Variants in CASK observed in about 807,000 individuals in gnomAD.
CASK encodes the protein peripheral plasma membrane protein CASK.
Under a neutral mutation model 82.9 loss-of-function variants are expected in CASK, and 4 were observed. The ratio of observed to expected loss-of-function variants is 0.05; its 90% CI spans 0.02 to 0.11. The LOEUF is 0.11. CASK is among the 10% of genes least tolerant of loss of function. The pLI, the probability that CASK is intolerant of heterozygous loss-of-function variation, is 1.00. For missense variants in CASK, 358 were observed against 720.9 expected (o/e 0.50, Z 5.76); for synonymous variants, 259 against 253.5 (o/e 1.02, Z -0.20).
chrX:41,803,327 C>T (rs1040450183), intron 2 of CASK, among the ~76,000 whole-genome samples: 2 of 111,798 alleles, frequency 1.8e-5, no homozygotes, highest in African/African-American at 3.3e-5. Context: ...CGGTGGCTCA[C>T]GCTTGTAATC....
intron 2 of CASK, among the ~76,000 whole-genome samples, chrX:41,851,405 A>G (rs889288922): frequency 3.6e-5 from 4 of 111,922 alleles, no homozygotes; most frequent in Non-Finnish European, 7.5e-5. Flanking sequence ...TACCAGGTAT[A>G]TGAACTATAT....
intron 3 of CASK, among the ~76,000 whole-genome samples, chrX:41,782,071 A>G (rs192583429): frequency 1.8e-5 from 2 of 111,596 alleles, no homozygotes; most frequent in African/African-American, 6.5e-5. Flanking sequence ...TTTGTTAGGT[A>G]TAATAATAAT....
At chrX:41,568,387 G>A (rs768535894) in intron 16 of CASK, among the ~76,000 whole-genome samples, 4 of 110,684 alleles carry the variant, frequency 3.6e-5, no homozygotes, top group South Asian at 3.9e-4. Context: ...CACCCTCTAC[G>A]CCTACAAGGA....
At chrX:41,665,653 C>A in intron 6 of CASK, 1 of 444,469 alleles carries the variant, frequency 2.2e-6, no homozygotes, top group East Asian at 3.7e-5. Flanking sequence ...AAACATTGAG[C>A]CCAGAATAGG....
At chrX:41,683,588 C>T (rs913381442) in intron 5 of CASK, 4 of 112,285 alleles carry the variant, frequency 3.6e-5, no homozygotes, top group African/African-American at 1.3e-4. Flanking sequence ...TTGAGGATCA[C>T]TTGAGGCTCC....
chrX:41,715,591 C>T (rs2068047277), intron 5 of CASK, among the ~76,000 whole-genome samples: 1 of 106,255 alleles, frequency 9.4e-6, no homozygotes, highest in African/African-American at 3.5e-5. Flanking sequence ...CATTGCACTC[C>T]AGCCCAGGAG....
chrX:41,827,138 T>G (rs1372660534), intron 2 of CASK, among the ~76,000 whole-genome samples: 1 of 111,657 alleles, frequency 9.0e-6, no homozygotes, highest in Non-Finnish European at 1.9e-5. Flanking sequence ...CTTGGGAAAA[T>G]TTTTAAGAAA....
intron 5 of CASK, among the ~76,000 whole-genome samples, chrX:41,678,177 A>T (rs774556032): frequency 1.8e-5 from 2 of 112,251 alleles, no homozygotes; most frequent in Admixed American, 1.9e-4. Flanking sequence ...AGTAGAACAG[A>T]CTAAAAAAAG....
intron 18 of CASK, among the ~76,000 whole-genome samples, chrX:41,557,430 T>C (rs1260939992): frequency 9.0e-6 from 1 of 111,519 alleles, no homozygotes; most frequent in Admixed American, 9.6e-5. Context: ...AACATTACCA[T>C]AAATTATCGT....
intron 2 of CASK, among the ~76,000 whole-genome samples, chrX:41,830,595 C>CAGAA (rs2070774105): frequency 9.2e-6 from 1 of 108,261 alleles, no homozygotes; most frequent in Non-Finnish European, 1.9e-5. Context: ...CCAAGGTGGG[C>CAGAA]GGATCATGAA....
At chrX:41,790,454 T>C (rs2069691463) in intron 2 of CASK, among the ~76,000 whole-genome samples, 1 of 112,002 alleles carries the variant, frequency 8.9e-6, no homozygotes, top group Non-Finnish European at 1.9e-5. Flanking sequence ...GGATGCTCCA[T>C]TTCTGCCACA....
chrX:41,553,892 T>C lies in CASK; in HGVS notation c.1866A>G (p.Glu622=). 1 of 1,204,596 alleles carries C rather than the reference T, an allele frequency of 8.3e-7. No homozygotes were observed. Among genetic ancestry groups the C allele is most frequent in the Non-Finnish European group, 1.1e-6 (1 of 889,094 alleles). The change falls in exon 21 of 27, where the codon GAA becomes GAG. Residue 622 remains glutamate (E), a synonymous_variant. Transcript: ENST00000378163. The part of the protein sequence containing the change: ...GRQIYVRAQF[E]YDPAKDDLIP... ...TGAGGTCATCCTTGGCTGGATCATATTCAAATTGTGCTCTTACATAGATCT... is the reference window on the plus strand; with the variant it reads ...TGAGGTCATCCTTGGCTGGATCATACTCAAATTGTGCTCTTACATAGATCT...
chrX:41,867,829 C>A (rs1150379), intron 1 of CASK, among the ~76,000 whole-genome samples: 21,285 of 111,582 alleles, frequency 0.19, 1,604 homozygotes, highest in Middle Eastern at 0.3. Context: ...GCTCAGAATT[C>A]ATTCAAGCTT....
At chrX:41,534,637 A>G in intron 24 of CASK, 69 bp downstream of exon 24, 1 of 865,357 alleles carries the variant, frequency 1.2e-6, no homozygotes. Flanking sequence ...TCAGAAAAAA[A>G]TACATAAATT....
chrX:41,566,296 TC>T (rs2065317283), intron 16 of CASK, among the ~76,000 whole-genome samples: 1 of 111,602 alleles, frequency 9.0e-6, no homozygotes, highest in African/African-American at 3.3e-5. Flanking sequence ...AGTCAAACTG[TC>T]CCTGTTTGCA....
chrX:41,886,889 C>T (rs2072058778), intron 1 of CASK, among the ~76,000 whole-genome samples: 1 of 111,280 alleles, frequency 9.0e-6, no homozygotes, highest in South Asian at 3.8e-4. Flanking sequence ...TATATACCCA[C>T]AATCAGGAGA....
intron 11 of CASK, among the ~76,000 whole-genome samples, chrX:41,612,345 A>C (rs1471034703): frequency 2.1e-5 from 2 of 93,552 alleles, no homozygotes. Flanking sequence ...GTCTCTGCCC[A>C]GCCGCCCCGT....
chrX:41,775,343 C>T (rs373369998), intron 3 of CASK, among the ~76,000 whole-genome samples: 5 of 110,539 alleles, frequency 4.5e-5, no homozygotes, highest in Non-Finnish European at 3.8e-5. Flanking sequence ...AGATACCATC[C>T]CACACCAGTT....
chrX:41,885,176 A>G (rs1313177789), intron 1 of CASK, among the ~76,000 whole-genome samples: 1 of 112,109 alleles, frequency 8.9e-6, no homozygotes, highest in East Asian at 2.8e-4. Context: ...TTAATCAATT[A>G]GGGCACTCTC....
Sources: allele counts gnomAD v4.1 joint callset (sites outside exome capture counted in the v4.1 genomes callset), GRCh38; gene constraint gnomAD v4.1.1; transcripts MANE v1.5; gene names NCBI Gene and HGNC (gene_info 2026-07-23, HGNC 2026-07-21).